The following KLF4 variants were observed in gnomAD, a reference collection of about 807,000 sequenced individuals.
The protein encoded by KLF4 is Krueppel-like factor 4.
In KLF4, 14 loss-of-function variants were observed where a neutral mutation model predicts 38.0. That is an observed-to-expected ratio of 0.37 (90% CI 0.24 to 0.58). The LOEUF (loss-of-function observed/expected upper bound fraction) is 0.58. Ranked by LOEUF, KLF4 falls within the 20% of genes least tolerant of loss-of-function variation. The probability of loss-of-function intolerance (pLI) is 0.76; values close to 1 mark genes in which losing one functional copy is unlikely to be tolerated. For missense variants in KLF4, 737 were observed against 670.1 expected (o/e 1.10, Z -1.10); for synonymous variants, 398 against 302.5 (o/e 1.32, Z -3.28).
chr9:107,488,597 C>T lies in KLF4; in HGVS notation c.127-330G>A. 6.1e-6 allele frequency: 3 copies of T among 495,678 alleles called. No homozygotes were observed. Among genetic ancestry groups the T allele is most frequent in the Non-Finnish European group, 1.1e-5 (3 of 281,494 alleles). The allele number at this position is 495,678 out of a possible 1,614,324, so 30.7% of individuals were successfully genotyped here. On this transcript the variant is annotated intron_variant, in intron 2 of 4. Transcript: ENST00000374672. The surrounding 1 kb of genome is among the most constrained non-coding windows in gnomAD (Gnocchi z 5.7). ...CTCTCGGTGCGCTCTCGCCACGGGG[C>T]CGCCTACGCGCTAAACTCACTCTGG...
At position 107,489,156 on chromosome 9, in the gene KLF4, C is replaced by A. The variant is rs765186557; in HGVS notation, c.5+12G>T. 6.5e-7 allele frequency: 1 copy of A among 1,532,178 alleles called. No homozygotes were observed. 94.9% of individuals were successfully genotyped at this position (1,532,178 alleles called of 1,614,324 possible). On this transcript the variant is annotated intron_variant, in intron 1 of 4. Transcript: ENST00000374672. ...ACCCCTCCCTGCTCCCAGCGCCGCG[C>A]GCCTCACCTACCTCATTAATGTGGG...
Position 107,489,032 on chromosome 9 carries a change from A to C in KLF4, c.24T>G (p.Ser8=), listed in dbSNP as rs769984534. ...GCAGCGCGTCGCTGACAGCCATGTC[A>C]GACTCGCCAGGTGGCTGCCTGCGAG... The part of the protein sequence containing the change: MRQPPGE[S]DMAVSDALLP... The change falls in exon 2 of 5, where the codon TCT becomes TCG. Residue 8 remains serine (S), a synonymous_variant. Transcript: ENST00000374672. 6.4e-7 allele frequency: 1 copy of C among 1,558,690 alleles called. No individual in the cohort carries two copies. The highest frequency in any genetic ancestry group is 8.7e-7 in the Non-Finnish European group (1 of 1,150,718).
Position 107,488,745 on chromosome 9 carries a change from TC to T in KLF4, c.126+184del, listed in dbSNP as rs1829136254. On this transcript the variant is annotated intron_variant, in intron 2 of 4. Coordinates refer to ENST00000374672, the MANE Select transcript of KLF4 (RefSeq NM_004235.6). This position sits in a 1 kb window ranked among gnomAD's most constrained non-coding sequence, Gnocchi z 5.7. ...TGCGCCCCAGGCGGCTCCGCAGTGC[TC>T]GCACCACGGGCATACACAGCTGAGC... 6.6e-6 allele frequency among the ~76,000 whole-genome samples: 1 copy of T among 152,158 alleles called. No homozygotes were observed. Among genetic ancestry groups the T allele is most frequent in the African/African-American group, 2.4e-5 (1 of 41,440 alleles).
chr9:107,485,679 G>A lies in KLF4; in HGVS notation c.*72C>T, dbSNP rs917731249. On this transcript the variant is annotated 3_prime_UTR_variant, in exon 5 of 5. Coordinates refer to ENST00000374672, the MANE Select transcript of KLF4 (RefSeq NM_004235.6). The surrounding 1 kb of genome is among the most constrained non-coding windows in gnomAD (Gnocchi z 4.9). The stretch of plus-strand genomic sequence containing the variant: ...TCTGGCTGGGCTCCTTCCCTCATCG[G>A]GAAGACAGTGTGAAAAGTAAAAAAT... 5 of 1,420,506 alleles carry A rather than the reference G, an allele frequency of 3.5e-6. No individual in the cohort carries two copies. Among genetic ancestry groups the A allele is most frequent in the Non-Finnish European group, 1.9e-6 (2 of 1,067,610 alleles). The allele number at this position is 1,420,506 out of a possible 1,614,324, so 88.0% of individuals were successfully genotyped here.
Position 107,488,908 on chromosome 9 carries a change from G to A in KLF4, c.126+22C>T, listed in dbSNP as rs896126876. On this transcript the variant is annotated intron_variant, in intron 2 of 4. Coordinates refer to ENST00000374672, the MANE Select transcript of KLF4 (RefSeq NM_004235.6). The surrounding 1 kb of genome is among the most constrained non-coding windows in gnomAD (Gnocchi z 5.7). ...CCACGAAAACCCACCGGGCGTTCCC[G>A]GCGGCCCGGAGCGATACTCACGTTA... 1.9e-6 allele frequency: 3 copies of A among 1,546,036 alleles called. No individual in the cohort carries two copies. Among genetic ancestry groups the A allele is most frequent in the Non-Finnish European group, 2.6e-6 (3 of 1,143,408 alleles).
Position 107,485,649 on chromosome 9 carries a change from T to C in KLF4, c.*102A>G, listed in dbSNP as rs1368316929. 8.5e-7 allele frequency: 1 copy of C among 1,172,536 alleles called. No individual in the cohort carries two copies. The highest frequency in any genetic ancestry group is 1.6e-5 in the African/African-American group (1 of 63,038). The allele number at this position is 1,172,536 out of a possible 1,614,324, so 72.6% of individuals were successfully genotyped here. A position where few individuals can be genotyped will look rare whatever the true frequency, so the allele number is the denominator to read the frequency against. ...GTTGGGAACTTGACCATGATTGTAG[T>C]GCTTTCTGGCTGGGCTCCTTCCCTC... On this transcript the variant is annotated 3_prime_UTR_variant, in exon 5 of 5. Coordinates refer to ENST00000374672, the MANE Select transcript of KLF4 (RefSeq NM_004235.6). The surrounding 1 kb of genome is among the most constrained non-coding windows in gnomAD (Gnocchi z 4.9).
At position 107,488,523 on chromosome 9, in the gene KLF4, C is replaced by T. The variant is rs1829130840; in HGVS notation, c.127-256G>A. Reference sequence around the variant, plus strand: ...TGTGAGCGAGCGCCGCGGCTGGTCCCTCCCCCTCCAGGTCCCGTGGACGTC... The same window carrying T: ...TGTGAGCGAGCGCCGCGGCTGGTCCTTCCCCCTCCAGGTCCCGTGGACGTC... On this transcript the variant is annotated intron_variant, in intron 2 of 4. Transcript: ENST00000374672. This position sits in a 1 kb window ranked among gnomAD's most constrained non-coding sequence, Gnocchi z 5.7. The T allele has an allele frequency of 3.4e-6, 2 of 590,006 alleles. No individual in the cohort carries two copies. The highest frequency in any genetic ancestry group is 5.6e-6 in the Non-Finnish European group (2 of 355,748). 36.5% of individuals were successfully genotyped at this position (590,006 alleles called of 1,614,324 possible).
Position 107,487,131 on chromosome 9 carries a change from C to T in KLF4, c.1161G>A (p.Ser387=), listed in dbSNP as rs770594668. ...EEPKPKRGRR[S]WPRKRTATHT... is the part of the protein sequence containing the mutation. ...GGGTGGCGGTCCTTTTCCGGGGCCA[C>T]GATCGTCTTCCCCTCTTTGGCTTGG... The change falls in exon 4 of 5, where the codon TCG becomes TCA. Residue 387 remains serine, a synonymous_variant. Coordinates refer to ENST00000374672, the MANE Select transcript of KLF4 (RefSeq NM_004235.6). This position sits in a 1 kb window ranked among gnomAD's most constrained non-coding sequence, Gnocchi z 6.1. 3.1e-6 allele frequency: 5 copies of T among 1,614,180 alleles called. No homozygotes were observed. The highest frequency in any genetic ancestry group is 1.1e-5 in the South Asian group (1 of 91,086).
chr9:107,487,356 G>A lies in KLF4; in HGVS notation c.1038C>T (p.Pro346=), dbSNP rs775621667. ...LPPGFHPHPG[P]NYPSFLPDQM... ...GATCGGGCAGGAAGGATGGGTAATT[G>A]GGCCCCGGGTGGGGATGGAAGCCGG... Residue 346 remains proline (P), a synonymous_variant, in exon 3 of 5, where the codon CCC becomes CCT. Coordinates refer to ENST00000374672, the MANE Select transcript of KLF4 (RefSeq NM_004235.6). This position sits in a 1 kb window ranked among gnomAD's most constrained non-coding sequence, Gnocchi z 6.1. The A allele has an allele frequency of 6.5e-7, 1 of 1,546,240 alleles. No individual in the cohort carries two copies.
Position 107,487,235 on chromosome 9 carries a change from CG to C in KLF4, c.1100-44del. On this transcript the variant is annotated intron_variant, in intron 3 of 4. Transcript: ENST00000374672. The surrounding 1 kb of genome is among the most constrained non-coding windows in gnomAD (Gnocchi z 6.1). ...GGGGTGAGCATCATCCCGTGTGTCC[CG>C]AAGTGGGGCCAGCACACACAGGGCT... The C allele has an allele frequency of 6.2e-7, 1 of 1,606,798 alleles. No homozygotes were observed. Among genetic ancestry groups the C allele is most frequent in the Non-Finnish European group, 8.5e-7 (1 of 1,175,942 alleles).
At position 107,489,289 on chromosome 9, in the gene KLF4, C is replaced by T; in HGVS notation, c.-117G>A. 1 of 1,301,178 alleles carries T rather than the reference C, an allele frequency of 7.7e-7. No individual in the cohort carries two copies. The highest frequency in any genetic ancestry group is 1.0e-6 in the Non-Finnish European group (1 of 985,036). 80.6% of individuals were successfully genotyped at this position (1,301,178 alleles called of 1,614,324 possible). On this transcript the variant is annotated 5_prime_UTR_variant, in exon 1 of 5. Coordinates refer to ENST00000374672, the MANE Select transcript of KLF4 (RefSeq NM_004235.6). ...CCAAAACCCCAAATTGGCCGAGATC[C>T]TTCTTCTTTGGATTAAATATAACTT...
rs1184520987 is a variant in KLF4 at position 107,488,645 on chromosome 9, G to T, written c.126+285C>A. ...TGGCCCAGCCAGTGTCTGGGGACGC[G>T]GCCACCTCCCGCCCGGTGGCCCGAG... On this transcript the variant is annotated intron_variant, in intron 2 of 4. Coordinates refer to ENST00000374672, the MANE Select transcript of KLF4 (RefSeq NM_004235.6). This position sits in a 1 kb window ranked among gnomAD's most constrained non-coding sequence, Gnocchi z 5.7. Among the ~76,000 whole-genome samples, 1 of 152,134 alleles carries T rather than the reference G, an allele frequency of 6.6e-6. No homozygotes were observed. Among genetic ancestry groups the T allele is most frequent in the Non-Finnish European group, 1.5e-5 (1 of 68,012 alleles).
rs1829148841 is a variant in KLF4, at chr9:107,489,288, CCTT to C, written c.-119_-117del. On this transcript the variant is annotated 5_prime_UTR_variant, in exon 1 of 5. Transcript: ENST00000374672. ...CCCAAAACCCCAAATTGGCCGAGAT[CCTT>C]CTTCTTTGGATTAAATATAACTTGG... 1.0e-5 allele frequency: 13 copies of C among 1,305,664 alleles called. No homozygotes were observed. Among genetic ancestry groups the C allele is most frequent in the African/African-American group, 1.5e-5 (1 of 66,422 alleles). The allele number at this position is 1,305,664 out of a possible 1,614,324, so 80.9% of individuals were successfully genotyped here.
chr9:107,486,067 G>T, intron 4 of KLF4, 141 bp from the exon 5 acceptor site: 1 of 693,286 alleles, frequency 1.4e-6, no homozygotes, highest in Non-Finnish European at 2.4e-6. Context: ...CACTGAAGGG[G>T]TGTATTGAAT....
chr9:107,488,927 C>CA lies in KLF4; in HGVS notation c.126+2dup. The CA allele has an allele frequency of 6.4e-7, 1 of 1,553,186 alleles. No individual in the cohort carries two copies. Among genetic ancestry groups the CA allele is most frequent in the Non-Finnish European group, 8.7e-7 (1 of 1,147,996 alleles). On this transcript the variant is annotated splice_region_variant and intron_variant, in intron 2 of 4. Coordinates refer to ENST00000374672, the MANE Select transcript of KLF4 (RefSeq NM_004235.6). The surrounding 1 kb of genome is among the most constrained non-coding windows in gnomAD (Gnocchi z 5.7). ...GTTCCCGGCGGCCCGGAGCGATACT[C>CA]ACGTTATTCGGGGCACCTGCTTGAC...
chr9:107,489,226 A>G lies in KLF4; in HGVS notation c.-54T>C. ...AGCCCGAAGCAGCTGGGGCACCTGA[A>G]CCCCAAAGTCAACGAAGAGAAGAAA... On this transcript the variant is annotated 5_prime_UTR_variant, in exon 1 of 5. Coordinates refer to ENST00000374672, the MANE Select transcript of KLF4 (RefSeq NM_004235.6). 6.9e-7 allele frequency: 1 copy of G among 1,444,032 alleles called. No homozygotes were observed. Among genetic ancestry groups the G allele is most frequent in the Non-Finnish European group, 9.1e-7 (1 of 1,095,838 alleles). 89.5% of individuals were successfully genotyped at this position (1,444,032 alleles called of 1,614,324 possible).
intron 4 of KLF4, among the ~76,000 whole-genome samples, chr9:107,486,670 G>A (rs570016847): frequency 2.0e-5 from 3 of 152,222 alleles, no homozygotes; most frequent in Admixed American, 6.5e-5. Flanking sequence ...TCATGCTTTT[G>A]CATAGCAAAG....
rs146072590 is a variant in KLF4 at position 107,485,898 on chromosome 9, G to T, written c.1293C>A (p.Asp431Glu). ...TGEKPYHCDW[D>E]GCGWKFARSD... ...AGCGGGCGAATTTCCATCCACAGCC[G>T]TCCCAGTCACAGTGGTAAGGTTTCT... Residue 431 changes from aspartate (D) to glutamate (E), a missense_variant, in exon 5 of 5, where the codon GAC becomes GAA. Asp to Glu is a conservative substitution (Grantham distance 45). Transcript: ENST00000374672. The surrounding 1 kb of genome is among the most constrained non-coding windows in gnomAD (Gnocchi z 4.9). 4 of 1,610,646 alleles carry T rather than the reference G, an allele frequency of 2.5e-6. No homozygotes were observed. The African/African-American group carries it at 5.4e-5, about 22-fold the overall frequency.
intron 4 of KLF4, 133 bp from the exon 5 acceptor site, chr9:107,486,059 C>T: frequency 1.4e-6 from 1 of 718,244 alleles, no homozygotes; most frequent in South Asian, 1.8e-5. Flanking sequence ...CTTTATACCA[C>T]TGAAGGGGTG....
Sources: allele counts gnomAD v4.1 joint callset (sites outside exome capture counted in the v4.1 genomes callset), GRCh38; gene constraint gnomAD v4.1.1; non-coding constraint Gnocchi (gnomAD v3.1); transcripts MANE v1.5; gene names NCBI Gene and HGNC (gene_info 2026-07-23, HGNC 2026-07-21).